The following NUDCD3 variants were observed in gnomAD, a reference collection of about 807,000 sequenced individuals.
NUDCD3 encodes NudC domain containing 3.
NUDCD3 carries 13 observed loss-of-function variants against 39.7 expected under a neutral mutation model. That is an observed-to-expected ratio of 0.33 (90% confidence interval 0.21 to 0.52). NUDCD3 has a LOEUF of 0.52. Among genes scored for constraint, NUDCD3 ranks in the 20% least tolerant of loss-of-function variants. The pLI, the probability that NUDCD3 is intolerant of heterozygous loss-of-function variation, is 0.96. For missense variants in NUDCD3, 453 were observed against 458.1 expected, an observed-to-expected ratio of 0.99 and a Z score of 0.10; for synonymous variants, 175 against 172.4, an observed-to-expected ratio of 1.02 and a Z score of -0.12.
At position 44,380,418 on chromosome 7, in the gene NUDCD3, C is replaced by T. The variant is rs1344201361; in HGVS notation, c.*5593G>A. The T allele has an allele frequency of 6.6e-6, 1 of 152,290 alleles. No individual in the cohort carries two copies. The highest frequency in any genetic ancestry group is 2.4e-5 in the African/African-American group (1 of 41,456). The allele number at this position is 152,290 out of a possible 1,614,324, so 9.4% of individuals were successfully genotyped here. On this transcript the variant is annotated 3_prime_UTR_variant, in exon 6 of 6. Transcript: ENST00000355451. ...ATGTCACCCTGGAGTCACAAAATCC[C>T]TTCTTTGCATTACCAAAAGAGGTGG...
intron 2 of NUDCD3, among the ~76,000 whole-genome samples, chr7:44,479,787 A>C (rs1434462298): frequency 1.3e-5 from 2 of 152,248 alleles, no homozygotes; most frequent in Non-Finnish European, 2.9e-5. Flanking sequence ...AAAGAACTGC[A>C]GATCTATAAT....
intron 2 of NUDCD3, among the ~76,000 whole-genome samples, chr7:44,471,362 G>A (rs1800253952): frequency 6.6e-6 from 1 of 152,062 alleles, no homozygotes; most frequent in African/African-American, 2.4e-5. Context: ...TATTTTTTAT[G>A]GTTTTGGCTT....
intron 4 of NUDCD3, 46 bp from the exon 5 acceptor site, chr7:44,392,531 G>A: frequency 6.4e-7 from 1 of 1,572,354 alleles, no homozygotes. Flanking sequence ...CCTGAGACAG[G>A]TGTCCAGGGC....
chr7:44,413,739 GT>G (rs1291647852), intron 3 of NUDCD3, among the ~76,000 whole-genome samples: 3 of 152,210 alleles, frequency 2.0e-5, no homozygotes, highest in African/African-American at 7.2e-5. Flanking sequence ...ATGGAAGATA[GT>G]TTAGCAACAC....
chr7:44,415,054 T>C (rs1037566506), intron 3 of NUDCD3, among the ~76,000 whole-genome samples: 5 of 152,126 alleles, frequency 3.3e-5, no homozygotes, highest in African/African-American at 1.2e-4. Flanking sequence ...CTCAATAACA[T>C]CCAATCATGA....
chr7:44,452,223 G>C (rs963112857), intron 2 of NUDCD3, among the ~76,000 whole-genome samples: 1 of 152,174 alleles, frequency 6.6e-6, no homozygotes. Flanking sequence ...CAGGATGATC[G>C]CTTGAGCTCA....
chr7:44,442,111 C>A (rs144256107), intron 2 of NUDCD3, among the ~76,000 whole-genome samples: 1 of 152,122 alleles, frequency 6.6e-6, no homozygotes, highest in African/African-American at 2.4e-5. Context: ...GAACAGTGTA[C>A]GACTCAGAGT....
chr7:44,470,389 T>C (rs760104382), intron 2 of NUDCD3, among the ~76,000 whole-genome samples: 5 of 152,138 alleles, frequency 3.3e-5, no homozygotes, highest in East Asian at 1.9e-4. Flanking sequence ...GCCAAGTCAT[T>C]TGAGATGACT....
At chr7:44,392,592 G>A in intron 4 of NUDCD3, 107 bp from the exon 5 acceptor site, 2 of 937,764 alleles carry the variant, frequency 2.1e-6, no homozygotes, top group Non-Finnish European at 3.3e-6. Flanking sequence ...ATAAGCTCAG[G>A]ACCAACTACA....
chr7:44,391,943 G>A (rs938418952), intron 5 of NUDCD3, among the ~76,000 whole-genome samples: 8 of 152,074 alleles, frequency 5.3e-5, no homozygotes, highest in African/African-American at 1.2e-4. Flanking sequence ...CCCACCAAGC[G>A]ACTCTTCATG....
intron 3 of NUDCD3, among the ~76,000 whole-genome samples, chr7:44,419,664 T>C (rs1300335038): frequency 6.6e-6 from 1 of 152,220 alleles, no homozygotes; most frequent in African/African-American, 2.4e-5. Context: ...GAGGTGGCAA[T>C]CTTTGCTGTT....
intron 2 of NUDCD3, among the ~76,000 whole-genome samples, chr7:44,479,925 T>C (rs1274398520): frequency 6.6e-6 from 1 of 152,222 alleles, no homozygotes; most frequent in Non-Finnish European, 1.5e-5. Flanking sequence ...CAGGTATAAC[T>C]AGAGATCGGT....
intron 2 of NUDCD3, among the ~76,000 whole-genome samples, chr7:44,480,999 T>C (rs189432005): frequency 6.7e-6 from 1 of 149,110 alleles, no homozygotes; most frequent in East Asian, 1.9e-4. Context: ...AAAAATGGAT[T>C]GTTTTGTCTG....
At chr7:44,462,134 G>T (rs760991176) in intron 2 of NUDCD3, among the ~76,000 whole-genome samples, 1 of 152,088 alleles carries the variant, frequency 6.6e-6, no homozygotes, top group Non-Finnish European at 1.5e-5. Flanking sequence ...GGAATTATCA[G>T]GGACATGTAC....
intron 3 of NUDCD3, among the ~76,000 whole-genome samples, chr7:44,419,738 C>A (rs1585066683): frequency 1.3e-5 from 2 of 152,190 alleles, no homozygotes; most frequent in Admixed American, 1.3e-4. Flanking sequence ...CCAATTGGAG[C>A]AGACCTGCAG....
intron 2 of NUDCD3, among the ~76,000 whole-genome samples, chr7:44,436,303 T>C (rs890636688): frequency 6.6e-6 from 1 of 151,948 alleles, no homozygotes; most frequent in African/African-American, 2.4e-5. Flanking sequence ...AGTCTGAGAG[T>C]AGGGAGAAAG....
chr7:44,456,847 T>A (rs967025104), intron 2 of NUDCD3, among the ~76,000 whole-genome samples: 1 of 152,030 alleles, frequency 6.6e-6, no homozygotes, highest in Admixed American at 6.6e-5. Flanking sequence ...CAACCTTAAG[T>A]TCTACAGATT....
At chr7:44,479,154 C>G (rs554131482) in intron 2 of NUDCD3, among the ~76,000 whole-genome samples, 4 of 152,266 alleles carry the variant, frequency 2.6e-5, no homozygotes, top group African/African-American at 9.6e-5. Context: ...TGCCTCCCAC[C>G]GGGTCCCTCC....
chr7:44,404,623 G>T (rs1368251897), intron 3 of NUDCD3, 40 bp from the exon 4 acceptor site: 1 of 1,604,922 alleles, frequency 6.2e-7, no homozygotes, highest in Non-Finnish European at 8.5e-7. Context: ...TCCTATCAGG[G>T]TGACCACTGG....
Sources: allele counts gnomAD v4.1 joint callset (sites outside exome capture counted in the v4.1 genomes callset), GRCh38; gene constraint gnomAD v4.1.1; transcripts MANE v1.5; gene names NCBI Gene and HGNC (gene_info 2026-07-23, HGNC 2026-07-21).